Variants in LAMA1 observed in about 807,000 individuals in gnomAD.
The protein encoded by LAMA1 is laminin subunit alpha 1.
In LAMA1, 219 loss-of-function variants were observed where a neutral mutation model predicts 348.7. The ratio of observed to expected loss-of-function variants is 0.63; its 90% CI spans 0.56 to 0.70. The LOEUF (loss-of-function observed/expected upper bound fraction) is 0.70. Ranked by LOEUF, LAMA1 falls within the 30% of genes least tolerant of loss-of-function variation. The pLI, the probability that LAMA1 is intolerant of heterozygous loss-of-function variation, is 0.00. For missense variants in LAMA1, 3,744 were observed against 3,888.0 expected, an observed-to-expected ratio of 0.96 and a Z score of 0.99; for synonymous variants, 1,487 against 1,491.0, an observed-to-expected ratio of 1.00 and a Z score of 0.06.
chr18:7,101,864 TG>T (rs370724925), intron 1 of LAMA1, among the ~76,000 whole-genome samples: 7 of 147,982 alleles, frequency 4.7e-5, no homozygotes, highest in East Asian at 4.0e-4. Flanking sequence ...TTTGTAGAGC[TG>T]GGGGGGTCTC....
Position 6,948,428 on chromosome 18 carries a change from A to T in LAMA1, c.8685T>A (p.Phe2895Leu). Residue 2895 changes from phenylalanine to leucine, a missense_variant, in exon 60 of 63, where the codon TTT becomes TTA. Physicochemically the swap from Phe to Leu is conservative, Grantham distance 22. Coordinates refer to ENST00000389658, the MANE Select transcript of LAMA1 (RefSeq NM_005559.4). ...CAAGAGCTGCATATCCGCTTCCGTCAAAGTATGTTCCTTCCTGGGCCACTG... is the reference window on the plus strand; with the variant it reads ...CAAGAGCTGCATATCCGCTTCCGTCTAAGTATGTTCCTTCCTGGGCCACTG... ...CYAVAQEGTY[F>L]DGSGYAALVK... 6.2e-7 allele frequency: 1 copy of T among 1,614,220 alleles called. No individual in the cohort carries two copies. Among genetic ancestry groups the T allele is most frequent in the Non-Finnish European group, 8.5e-7 (1 of 1,180,044 alleles).
chr18:6,950,553 T>C (rs2057541841), intron 58 of LAMA1, among the ~76,000 whole-genome samples: 1 of 152,218 alleles, frequency 6.6e-6, no homozygotes, highest in Admixed American at 6.5e-5. Context: ...ATCCCGCCAA[T>C]GTTTGCTGAA....
intron 1 of LAMA1, among the ~76,000 whole-genome samples, chr18:7,098,687 G>A (rs1347110211): frequency 4.0e-5 from 6 of 149,316 alleles, no homozygotes; most frequent in African/African-American, 1.2e-4. Context: ...GAGCGTCTCC[G>A]CCCGGCAGCC....
At chr18:7,038,708 T>TG in intron 11 of LAMA1, 102 bp downstream of exon 11, 1 of 1,450,880 alleles carries the variant, frequency 6.9e-7, no homozygotes, top group Admixed American at 1.7e-5. Context: ...ATGAGAGTGG[T>TG]GTCACGGGAA....
At chr18:7,079,754 G>A (rs2058185267) in intron 3 of LAMA1, 2 of 570,148 alleles carry the variant, frequency 3.5e-6, no homozygotes, top group East Asian at 3.1e-5. Flanking sequence ...CAACCATATG[G>A]AAGCAATTTC....
chr18:7,117,515 C>T (rs2058362551), intron 1 of LAMA1, 145 bp downstream of exon 1: 1 of 761,680 alleles, frequency 1.3e-6, no homozygotes, highest in Non-Finnish European at 2.1e-6. Flanking sequence ...GCGCGGGAGA[C>T]CCACGTGGCC....
intron 36 of LAMA1, among the ~76,000 whole-genome samples, chr18:6,987,973 G>A (rs1203592263): frequency 6.6e-6 from 1 of 152,042 alleles, no homozygotes; most frequent in Non-Finnish European, 1.5e-5. Flanking sequence ...AATTAGCCAG[G>A]CATGGTGGTG....
intron 49 of LAMA1, 175 bp downstream of exon 49, chr18:6,965,972 A>C: frequency 1.5e-6 from 1 of 688,262 alleles, no homozygotes; most frequent in Non-Finnish European, 2.4e-6. Flanking sequence ...TAAATAATTT[A>C]AAATGAGGAA....
At chr18:7,005,085 C>T (rs2057826095) in intron 29 of LAMA1, among the ~76,000 whole-genome samples, 1 of 152,188 alleles carries the variant, frequency 6.6e-6, no homozygotes, top group Non-Finnish European at 1.5e-5. Flanking sequence ...GTGACATGCA[C>T]ACCACAGGCT....
intron 1 of LAMA1, among the ~76,000 whole-genome samples, chr18:7,111,669 T>A (rs953514952): frequency 6.6e-6 from 1 of 152,232 alleles, no homozygotes; most frequent in African/African-American, 2.4e-5. Flanking sequence ...AATTTTGCAA[T>A]GCCTTGGTTT....
chr18:7,083,111 T>C (rs1317351941), intron 1 of LAMA1, among the ~76,000 whole-genome samples: 1 of 152,020 alleles, frequency 6.6e-6, no homozygotes, highest in Non-Finnish European at 1.5e-5. Flanking sequence ...GAATAATATC[T>C]CAGTTATAGT....
chr18:7,055,915 A>G (rs2058079947), intron 3 of LAMA1, among the ~76,000 whole-genome samples: 1 of 151,008 alleles, frequency 6.6e-6, no homozygotes, highest in Non-Finnish European at 1.5e-5. Context: ...CCCCGTCTCC[A>G]CTAAAATACA....
chr18:7,049,904 G>T (rs990136066), intron 4 of LAMA1, among the ~76,000 whole-genome samples: 4 of 152,134 alleles, frequency 2.6e-5, no homozygotes, highest in Admixed American at 6.5e-5. Context: ...ATCAGATGTG[G>T]AACCAGACTA....
At chr18:7,046,395 A>C (rs759053242) in intron 5 of LAMA1, 28 bp from the exon 6 acceptor site, 2 of 1,340,144 alleles carry the variant, frequency 1.5e-6, no homozygotes, top group African/African-American at 2.9e-5. Flanking sequence ...TATGAACAAA[A>C]ATTAAAACCT....
At chr18:7,041,040 T>C (rs2058018365) in intron 9 of LAMA1, among the ~76,000 whole-genome samples, 1 of 152,130 alleles carries the variant, frequency 6.6e-6, no homozygotes, top group African/African-American at 2.4e-5. Context: ...CTTTATGGGA[T>C]GATGAAAATG....
intron 53 of LAMA1, 30 bp downstream of exon 53, chr18:6,961,556 T>C (rs373071415): frequency 2.4e-5 from 39 of 1,611,408 alleles, no homozygotes; most frequent in South Asian, 1.5e-4. Flanking sequence ...TTTCCTGAGC[T>C]TGGGGCTCAG....
Position 7,080,456 on chromosome 18 carries a change from G to C in LAMA1, c.63C>G (p.Gly21=). Residue 21 remains glycine (G), a splice_region_variant and synonymous_variant, in exon 2 of 63, where the codon GGC becomes GGG. Coordinates refer to ENST00000389658, the MANE Select transcript of LAMA1 (RefSeq NM_005559.4). ...CAAGATTGAGAATGGCAGGAAACAGGCCTGAAAGTGAAAATTTACCAAATC... is the reference window on the plus strand; with the variant it reads ...CAAGATTGAGAATGGCAGGAAACAGCCCTGAAAGTGAAAATTTACCAAATC... The part of the protein sequence containing the change: ...LCVAAQCRQR[G]LFPAILNLAS... 6.2e-7 allele frequency: 1 copy of C among 1,614,126 alleles called. No individual in the cohort carries two copies. Among genetic ancestry groups the C allele is most frequent in the Non-Finnish European group, 8.5e-7 (1 of 1,180,008 alleles).
In LAMA1 at chr18:7,109,282, T is replaced by G. The variant is rs372990426; in HGVS notation, c.61+8378A>C. On this transcript the variant is annotated intron_variant, in intron 1 of 62. Coordinates refer to ENST00000389658, the MANE Select transcript of LAMA1 (RefSeq NM_005559.4). ...CTCGGTGTTACTGCCCTCCGGCTAC[T>G]AATGACCCAGGTTTTAATGCTAGAA... Among the ~76,000 whole-genome samples the G allele has an allele frequency of 1.6e-3, 241 of 152,314 alleles. 2 individuals are homozygous for G. The highest frequency in any genetic ancestry group is 5.5e-3 in the African/African-American group (230 of 41,584).
intron 1 of LAMA1, among the ~76,000 whole-genome samples, chr18:7,109,767 T>C (rs1021300547): frequency 2.6e-5 from 4 of 151,122 alleles, no homozygotes; most frequent in African/African-American, 7.3e-5. Context: ...CTGAGGGCCA[T>C]AGCAGGTGGG....
Sources: gnomAD v4.1 joint callset for allele counts (sites outside exome capture counted in the v4.1 genomes callset) on GRCh38, gnomAD v4.1.1 for gene constraint, MANE v1.5 for transcripts, NCBI Gene and HGNC (gene_info 2026-07-23, HGNC 2026-07-21) for gene names.